The following TCF19 variants were observed in gnomAD, a reference collection of about 807,000 sequenced individuals.
The protein encoded by TCF19 is transcription factor 19.
Under a neutral mutation model 18.3 loss-of-function variants are expected in TCF19, and 9 were observed. The observed-to-expected ratio is 0.49, with a 90% CI of 0.30 to 0.86. The LOEUF is 0.86. TCF19 is among the 40% of genes least tolerant of loss of function. TCF19 has a pLI of 0.07. For synonymous variants in TCF19, 176 were observed against 185.3 expected (o/e 0.95, Z 0.41); for missense variants, 376 against 464.3 (o/e 0.81, Z 1.75).
chr6:31,161,165 A>G (rs28605638), intron 2 of TCF19, among the ~76,000 whole-genome samples: 4 of 48,078 alleles, frequency 8.3e-5, no homozygotes, highest in South Asian at 6.7e-4. Flanking sequence ...AAAAAAAAAA[A>G]AAAGAAAGAA....
chr6:31,163,015 A>T lies in TCF19; in HGVS notation c.*298A>T. ...CATGGACACCAGAATATCTGTAGTC[A>T]GAGCACCTATCAGTTGCAAAAGCCA... On this transcript the variant is annotated 3_prime_UTR_variant, in exon 4 of 4. Transcript: ENST00000376257. The T allele has an allele frequency of 7.8e-7, 1 of 1,275,554 alleles. No homozygotes were observed. The allele number at this position is 1,275,554 out of a possible 1,614,324, so 79.0% of individuals were successfully genotyped here.
rs1342947402 is a variant in TCF19 at position 31,162,856 on chromosome 6, A to T, written c.*139A>T. On this transcript the variant is annotated 3_prime_UTR_variant, in exon 4 of 4. Coordinates refer to ENST00000376257, the MANE Select transcript of TCF19 (RefSeq NM_007109.3). This position sits in a 1 kb window ranked among gnomAD's most constrained non-coding sequence, Gnocchi z 4.5. ...AGGGAAGAAGGATGGATTGATGTGG[A>T]CTCATTCAGGGCCTGGAGCAGACCC... 4.2e-6 allele frequency: 6 copies of T among 1,445,210 alleles called. No homozygotes were observed. The African/African-American group carries it at 4.3e-5, about 10-fold the overall frequency. The allele number at this position is 1,445,210 out of a possible 1,614,324, so 89.5% of individuals were successfully genotyped here.
Position 31,162,776 on chromosome 6 carries a change from A to C in TCF19, c.*59A>C. On this transcript the variant is annotated 3_prime_UTR_variant, in exon 4 of 4. Transcript: ENST00000376257. The surrounding 1 kb of genome is among the most constrained non-coding windows in gnomAD (Gnocchi z 4.5). ...CCCATGAGTAGACACAGCAGCGAGC[A>C]AATAGGTCTGATAAATACCCCCCTT... 6.3e-7 allele frequency: 1 copy of C among 1,582,114 alleles called. No homozygotes were observed. Among genetic ancestry groups the C allele is most frequent in the Admixed American group, 1.7e-5 (1 of 58,138 alleles).
rs1003981245 is a variant in TCF19, at chr6:31,161,987, C to T, written c.779C>T (p.Ala260Val). ...EPRKKLRVDK[A>V]PLTPTGNRRG... ...AGGAAGAAACTCCGTGTAGACAAAGCCCCACTGACTCCCACTGGGTAAGTG... is the reference window on the plus strand; with the variant it reads ...AGGAAGAAACTCCGTGTAGACAAAGTCCCACTGACTCCCACTGGGTAAGTG... Residue 260 changes from alanine (A) to valine (V), a missense_variant, in exon 3 of 4, where the codon GCC (alanine) becomes GTC (valine). Physicochemically the swap from Ala to Val is moderately conservative, Grantham distance 64. Transcript: ENST00000376257. The T allele has an allele frequency of 8.1e-6, 13 of 1,609,488 alleles. No homozygotes were observed. Among genetic ancestry groups the T allele is most frequent in the East Asian group, 2.2e-5 (1 of 44,824 alleles).
In TCF19 at chr6:31,162,579, C is replaced by T. The variant is rs1776863610; in HGVS notation, c.900C>T (p.Pro300=). The T allele has an allele frequency of 6.2e-7, 1 of 1,612,922 alleles. No individual in the cohort carries two copies. The highest frequency in any genetic ancestry group is 2.2e-5 in the East Asian group (1 of 44,868). The change falls in exon 4 of 4, where the codon CCC becomes CCT. Residue 300 remains proline (P), a synonymous_variant. Transcript: ENST00000376257. This position sits in a 1 kb window ranked among gnomAD's most constrained non-coding sequence, Gnocchi z 4.5. ...EPCAAPCCCL[P]QEETVAWVQC... ...GTGCAGCTCCTTGTTGCTGCCTGCCCCAGGAAGAGACAGTGGCCTGGGTTC... is the reference window on the plus strand; with the variant it reads ...GTGCAGCTCCTTGTTGCTGCCTGCCTCAGGAAGAGACAGTGGCCTGGGTTC...
Position 31,162,799 on chromosome 6 carries a change from C to A in TCF19, c.*82C>A, listed in dbSNP as rs1489848451. 1 of 1,529,344 alleles carries A rather than the reference C, an allele frequency of 6.5e-7. No individual in the cohort carries two copies. Among genetic ancestry groups the A allele is most frequent in the Admixed American group, 1.9e-5 (1 of 51,978 alleles). The allele number at this position is 1,529,344 out of a possible 1,614,324, so 94.7% of individuals were successfully genotyped here. ...GCAAATAGGTCTGATAAATACCCCC[C>A]TTCCCTTCCCTCCCCAGGAGGGAAT... On this transcript the variant is annotated 3_prime_UTR_variant, in exon 4 of 4. Transcript: ENST00000376257. This position sits in a 1 kb window ranked among gnomAD's most constrained non-coding sequence, Gnocchi z 4.5.
Position 31,163,527 on chromosome 6 carries a change from C to G in TCF19, c.*810C>G, listed in dbSNP as rs922627718. ...GCAGAAGATTTATTTACAGGCTTCA[C>G]CTGTACTGTCAGGGCAAGAGAAAGC... is the stretch of plus-strand genomic sequence containing the variant. On this transcript the variant is annotated 3_prime_UTR_variant, in exon 4 of 4. Coordinates refer to ENST00000376257, the MANE Select transcript of TCF19 (RefSeq NM_007109.3). The G allele has an allele frequency of 1.5e-5, 15 of 985,442 alleles. No individual in the cohort carries two copies. In the Admixed American group the frequency reaches 2.5e-4, roughly 16 times the overall value. The allele number at this position is 985,442 out of a possible 1,614,324, so 61.0% of individuals were successfully genotyped here.
In TCF19 at chr6:31,159,449, G is replaced by T; in HGVS notation, c.-21G>T. On this transcript the variant is annotated 5_prime_UTR_variant, in exon 2 of 4. Transcript: ENST00000376257. ...AATGGATGCCTGAAGTGGAAGAGGT[G>T]GTGCAGAGGGGGCACCGCCCATGCT... is the stretch of plus-strand genomic sequence containing the variant. The T allele has an allele frequency of 6.5e-7, 1 of 1,530,882 alleles. No homozygotes were observed. Among genetic ancestry groups the T allele is most frequent in the Admixed American group, 2.0e-5 (1 of 49,038 alleles). 94.8% of individuals were successfully genotyped at this position (1,530,882 alleles called of 1,614,324 possible).
In TCF19 at chr6:31,163,503, CAGA is replaced by C. The variant is rs1374738835; in HGVS notation, c.*790_*792del. 1.5e-5 allele frequency: 15 copies of C among 985,280 alleles called. No individual in the cohort carries two copies. Among genetic ancestry groups the C allele is most frequent in the African/African-American group, 5.2e-5 (3 of 57,218 alleles). 61.0% of individuals were successfully genotyped at this position (985,280 alleles called of 1,614,324 possible). A position where few individuals can be genotyped will look rare whatever the true frequency, so the allele number is the denominator to read the frequency against. Reference sequence around the variant, plus strand: ...GATTTGGTTAAGTTCACAAAGATAGCAGAAGATTTATTTACAGGCTTCACCTGT... The same window carrying C: ...GATTTGGTTAAGTTCACAAAGATAGCAGATTTATTTACAGGCTTCACCTGT... On this transcript the variant is annotated 3_prime_UTR_variant, in exon 4 of 4. Transcript: ENST00000376257.
Position 31,162,992 on chromosome 6 carries a change from T to A in TCF19, c.*275T>A. On this transcript the variant is annotated 3_prime_UTR_variant, in exon 4 of 4. Coordinates refer to ENST00000376257, the MANE Select transcript of TCF19 (RefSeq NM_007109.3). This position sits in a 1 kb window ranked among gnomAD's most constrained non-coding sequence, Gnocchi z 4.5. ...TACAAGCCATAAGGCCATGTTGCCATGGACACCAGAATATCTGTAGTCAGA... is the reference window on the plus strand; with the variant it reads ...TACAAGCCATAAGGCCATGTTGCCAAGGACACCAGAATATCTGTAGTCAGA... 24 of 1,342,632 alleles carry A rather than the reference T, an allele frequency of 1.8e-5. No homozygotes were observed. Among genetic ancestry groups the A allele is most frequent in the Non-Finnish European group, 2.3e-5 (24 of 1,049,842 alleles). The allele number at this position is 1,342,632 out of a possible 1,614,324, so 83.2% of individuals were successfully genotyped here.
chr6:31,163,869 T>C lies in TCF19; in HGVS notation c.*1152T>C, dbSNP rs1582023526. On this transcript the variant is annotated 3_prime_UTR_variant, in exon 4 of 4. Coordinates refer to ENST00000376257, the MANE Select transcript of TCF19 (RefSeq NM_007109.3). ...ATGACTCTGGGGCAAAGACCCCTAA[T>C]GAACTAGTGGCAGAGCCAGGAATAA... 4.7e-5 allele frequency: 46 copies of C among 985,296 alleles called. No homozygotes were observed. The highest frequency in any genetic ancestry group is 5.5e-5 in the Non-Finnish European group (46 of 829,970). The allele number at this position is 985,296 out of a possible 1,614,324, so 61.0% of individuals were successfully genotyped here.
In TCF19 at chr6:31,159,710, G is replaced by A. The variant is rs1776623841; in HGVS notation, c.238+3G>A. The A allele has an allele frequency of 6.2e-7, 1 of 1,613,990 alleles. No homozygotes were observed. The highest frequency in any genetic ancestry group is 1.7e-5 in the Admixed American group (1 of 60,016). Reference sequence around the variant, plus strand: ...CCTGGAAGACCACAGCAGCCAAGGTGAGCATTAAGCAGGGCAGCTTTGCCC... The same window carrying A: ...CCTGGAAGACCACAGCAGCCAAGGTAAGCATTAAGCAGGGCAGCTTTGCCC... On this transcript the variant is annotated splice_donor_region_variant and intron_variant, in intron 2 of 3. Transcript: ENST00000376257.
Position 31,158,621 on chromosome 6 carries a change from C to G in TCF19, c.-675C>G, listed in dbSNP as rs569620369. 6.6e-6 allele frequency: 1 copy of G among 152,240 alleles called. No individual in the cohort carries two copies. Among genetic ancestry groups the G allele is most frequent in the Non-Finnish European group, 1.5e-5 (1 of 68,052 alleles). The allele number at this position is 152,240 out of a possible 1,614,324, so 9.4% of individuals were successfully genotyped here. On this transcript the variant is annotated 5_prime_UTR_variant, in exon 1 of 4. Transcript: ENST00000376257. ...CGGCTTCTTGGCTGTCAAACAGATG[C>G]AGCAACGTCGGCTCCTGCCGAGGAG...
At chr6:31,160,446 C>CA (rs1391770563) in intron 2 of TCF19, among the ~76,000 whole-genome samples, 1 of 151,728 alleles carries the variant, frequency 6.6e-6, no homozygotes, top group Non-Finnish European at 1.5e-5. Flanking sequence ...CTGTCTCTAC[C>CA]AAAAAATTAA....
In TCF19 at chr6:31,163,122, G is replaced by A; in HGVS notation, c.*405G>A. On this transcript the variant is annotated 3_prime_UTR_variant, in exon 4 of 4. Transcript: ENST00000376257. Reference sequence around the variant, plus strand: ...CCCAAGGCATTCTGGGAAAACCTAGGGCCTGGCCCCAAAACTTCCCTACTC... The same window carrying A: ...CCCAAGGCATTCTGGGAAAACCTAGAGCCTGGCCCCAAAACTTCCCTACTC... 1 of 1,035,526 alleles carries A rather than the reference G, an allele frequency of 9.7e-7. No homozygotes were observed. The highest frequency in any genetic ancestry group is 1.2e-6 in the Non-Finnish European group (1 of 861,318). 64.1% of individuals were successfully genotyped at this position (1,035,526 alleles called of 1,614,324 possible). A position where few individuals can be genotyped will look rare whatever the true frequency, so the allele number is the denominator to read the frequency against.
rs778688354 is a variant in TCF19, at chr6:31,159,697, C to T, written c.228C>T (p.His76=). 1 of 1,614,132 alleles carries T rather than the reference C, an allele frequency of 6.2e-7. No individual in the cohort carries two copies. Among genetic ancestry groups the T allele is most frequent in the Non-Finnish European group, 8.5e-7 (1 of 1,180,028 alleles). ...GDDWRVSLED[H]SSQGTLVNNV... is the part of the protein sequence containing the mutation. ...ACTGGAGGGTCAGCCTGGAAGACCA[C>T]AGCAGCCAAGGTGAGCATTAAGCAG... The change falls in exon 2 of 4, where the codon CAC becomes CAT. Residue 76 remains histidine, a synonymous_variant. Coordinates refer to ENST00000376257, the MANE Select transcript of TCF19 (RefSeq NM_007109.3).
At chr6:31,160,479 G>GGCC (rs1235206695) in intron 2 of TCF19, among the ~76,000 whole-genome samples, 1 of 152,084 alleles carries the variant, frequency 6.6e-6, no homozygotes, top group Admixed American at 6.6e-5. Context: ...AAAAAGCCTG[G>GGCC]GCACGGTGGC....
rs1330934255 is a variant in TCF19 at position 31,161,932 on chromosome 6, G to A, written c.724G>A (p.Glu242Lys). Reference sequence around the variant, plus strand: ...ACTGGATGATGAGAGTGAGCCTCCTGAGAACCCGCCACCGGTCCTTATGGA... The same window carrying A: ...ACTGGATGATGAGAGTGAGCCTCCTAAGAACCCGCCACCGGTCCTTATGGA... Reference protein sequence around the residue: ...AELDDESEPPENPPPVLMEPR... With the variant: ...AELDDESEPPKNPPPVLMEPR... The change falls in exon 3 of 4, where the codon GAG becomes AAG. Residue 242 changes from glutamate to lysine, a missense_variant. By Grantham distance (56) the Glu-to-Lys change is moderately conservative. Transcript: ENST00000376257. 6.2e-7 allele frequency: 1 copy of A among 1,612,970 alleles called. No individual in the cohort carries two copies. Among genetic ancestry groups the A allele is most frequent in the Non-Finnish European group, 8.5e-7 (1 of 1,180,002 alleles).
Position 31,162,038 on chromosome 6 carries a change from T to A in TCF19, c.797+33T>A. 6.4e-7 allele frequency: 1 copy of A among 1,561,154 alleles called. No individual in the cohort carries two copies. The highest frequency in any genetic ancestry group is 2.3e-5 in the East Asian group (1 of 44,144). ...GAGTCCTCACTTGGCCCTCTCAGTG[T>A]TTTACTGCTTTTCGATTCCTTGTAT... On this transcript the variant is annotated intron_variant, in intron 3 of 3. Coordinates refer to ENST00000376257, the MANE Select transcript of TCF19 (RefSeq NM_007109.3). This position sits in a 1 kb window ranked among gnomAD's most constrained non-coding sequence, Gnocchi z 4.5.
Sources: gnomAD v4.1 joint callset for allele counts (sites outside exome capture counted in the v4.1 genomes callset) on GRCh38, gnomAD v4.1.1 for gene constraint, Gnocchi (gnomAD v3.1) non-coding constraint, MANE v1.5 for transcripts, NCBI Gene and HGNC (gene_info 2026-07-23, HGNC 2026-07-21) for gene names.